PPFIA4: variants seen among roughly 807,000 people sequenced by gnomAD.
PPFIA4 encodes the protein liprin-alpha-4.
PPFIA4 carries 98 observed loss-of-function variants against 145.7 expected under a neutral mutation model. That is an observed-to-expected ratio of 0.67 (90% CI 0.57 to 0.80). The LOEUF is 0.80. PPFIA4 is among the 30% of genes least tolerant of loss of function. The pLI is 0.00. For synonymous variants in PPFIA4, 628 were observed against 649.6 expected (o/e 0.97, Z 0.51); for missense variants, 1,457 against 1,632.7 (o/e 0.89, Z 1.85).
Position 203,055,980 on chromosome 1 carries a change from TTTC to T in PPFIA4, c.2071-138_2071-136del. On this transcript the variant is annotated intron_variant, in intron 16 of 29. Transcript: ENST00000295706. The surrounding 1 kb of genome is among the most constrained non-coding windows in gnomAD (Gnocchi z 4.8). Reference sequence around the variant, plus strand: ...TTTTCTAGGCCAGCTTTTTTTTTTTTTTCTGGCGTGATATTCTCTCCGGGCCTG... The same window carrying T: ...TTTTCTAGGCCAGCTTTTTTTTTTTTTGGCGTGATATTCTCTCCGGGCCTG... 1 of 878,904 alleles carries T rather than the reference TTTC, an allele frequency of 1.1e-6. No individual in the cohort carries two copies. Among genetic ancestry groups the T allele is most frequent in the Non-Finnish European group, 1.7e-6 (1 of 585,704 alleles). 54.4% of individuals were successfully genotyped at this position (878,904 alleles called of 1,614,324 possible).
Position 203,048,559 on chromosome 1 carries a change from G to A in PPFIA4, c.1225-24G>A, listed in dbSNP as rs1317955813. On this transcript the variant is annotated intron_variant, in intron 10 of 29. Coordinates refer to ENST00000295706, the MANE Select transcript of PPFIA4 (RefSeq NM_001304331.2). This position sits in a 1 kb window ranked among gnomAD's most constrained non-coding sequence, Gnocchi z 5.8. ...GTGGTCCTCCCTGGGAGGGCGGCCT[G>A]GTGCGAGGCAGACGGCTGTGCAGGT... is the stretch of plus-strand genomic sequence containing the variant. 1.3e-6 allele frequency: 2 copies of A among 1,563,562 alleles called. 1 individual carries two copies. Among genetic ancestry groups the A allele is most frequent in the South Asian group, 2.4e-5 (2 of 84,978 alleles).
chr1:203,035,816 G>A lies in PPFIA4; in HGVS notation c.-399-2794G>A, dbSNP rs181789958. On this transcript the variant is annotated intron_variant, in intron 1 of 29. Coordinates refer to ENST00000295706, the MANE Select transcript of PPFIA4 (RefSeq NM_001304331.2). ...CTGTTTCTGTGTAGCAGAGAGGACA[G>A]GGGCAGGAGGTCCTGGACAGTCATC... Among the ~76,000 whole-genome samples the A allele has an allele frequency of 4.7e-5, 7 of 149,772 alleles. No homozygotes were observed. In the East Asian group the frequency reaches 1.4e-3, roughly 30 times the overall value.
chr1:203,036,892 G>A (rs1659313669), intron 1 of PPFIA4, among the ~76,000 whole-genome samples: 1 of 152,214 alleles, frequency 6.6e-6, no homozygotes, highest in Non-Finnish European at 1.5e-5. Context: ...CTCCACAGTG[G>A]CTGTCTGGCT....
chr1:203,058,060 C>G (rs1016606145), intron 19 of PPFIA4, among the ~76,000 whole-genome samples: 3 of 152,076 alleles, frequency 2.0e-5, no homozygotes, highest in Non-Finnish European at 4.4e-5. Context: ...TTAAGAGTTC[C>G]CCTGAGGCAG....
At position 203,055,721 on chromosome 1, in the gene PPFIA4, G is replaced by C; in HGVS notation, c.2070+49G>C. The C allele has an allele frequency of 2.5e-6, 4 of 1,605,856 alleles. No individual in the cohort carries two copies. The highest frequency in any genetic ancestry group is 3.4e-6 in the Non-Finnish European group (4 of 1,174,182). On this transcript the variant is annotated intron_variant, in intron 16 of 29. Transcript: ENST00000295706. This position sits in a 1 kb window ranked among gnomAD's most constrained non-coding sequence, Gnocchi z 4.8. ...CCTGGCATCACTGGACCCTGCACCG[G>C]GGGAGGTTTTAAGGGATGGTAGGAC...
In PPFIA4 at chr1:203,053,944, C is replaced by T. The variant is rs370301522; in HGVS notation, c.1812C>T (p.Ala604=). The change falls in exon 15 of 30, where the codon GCC becomes GCT. Residue 604 remains alanine, a synonymous_variant. Coordinates refer to ENST00000295706, the MANE Select transcript of PPFIA4 (RefSeq NM_001304331.2). ...TGATGCTGCAGGAGCAGCTGGATGC[C>T]ATCAATGAGGAAATCAGGTTAGGGC... ...LAMMLQEQLD[A]INEEIRMIQE... 1.5e-5 allele frequency: 24 copies of T among 1,564,736 alleles called. No individual in the cohort carries two copies. Among genetic ancestry groups the T allele is most frequent in the Non-Finnish European group, 2.6e-6 (3 of 1,154,502 alleles).
intron 27 of PPFIA4, among the ~76,000 whole-genome samples, chr1:203,069,869 C>T (rs1439743937): frequency 2.0e-5 from 3 of 151,284 alleles, no homozygotes; most frequent in South Asian, 2.1e-4. Flanking sequence ...TTGCCCACTT[C>T]GGGCAAGCCT....
Position 203,056,840 on chromosome 1 carries a change from T to C in PPFIA4, c.2297T>C (p.Leu766Pro). Residue 766 changes from leucine (L) to proline (P), a missense_variant, in exon 19 of 30, where the codon CTG becomes CCG. Physicochemically the swap from Leu to Pro is moderately conservative, Grantham distance 98. Transcript: ENST00000295706. The stretch of plus-strand genomic sequence containing the variant: ...AGCAGCAACAGCAGCCAGGACTCCC[T>C]GCACAAGGGCGCCAAGCGCAAGGGC... ...PSSSNSSQDS[L>P]HKGAKRKGIK... 1 of 1,614,058 alleles carries C rather than the reference T, an allele frequency of 6.2e-7. No homozygotes were observed. Among genetic ancestry groups the C allele is most frequent in the Non-Finnish European group, 8.5e-7 (1 of 1,179,894 alleles).
At chr1:203,057,076 A>G in intron 19 of PPFIA4, 126 bp downstream of exon 19, 3 of 1,505,846 alleles carry the variant, frequency 2.0e-6, no homozygotes, top group Non-Finnish European at 2.7e-6. Flanking sequence ...CAGGCAGGTT[A>G]CCTCAGATCT....
Position 203,043,881 on chromosome 1 carries a change from G to T in PPFIA4, c.337-50G>T. On this transcript the variant is annotated intron_variant, in intron 3 of 29. Transcript: ENST00000295706. The surrounding 1 kb of genome is among the most constrained non-coding windows in gnomAD (Gnocchi z 4.4). ...CATGGACCCTGCTTGTAGCCCCTGG[G>T]GCACATGCTTACAGCCCTCCCTCTC... The T allele has an allele frequency of 1.3e-6, 2 of 1,528,986 alleles. No homozygotes were observed. Among genetic ancestry groups the T allele is most frequent in the Non-Finnish European group, 1.8e-6 (2 of 1,133,236 alleles). The allele number at this position is 1,528,986 out of a possible 1,614,324, so 94.7% of individuals were successfully genotyped here.
intron 1 of PPFIA4, among the ~76,000 whole-genome samples, chr1:203,032,041 C>CGTGTGTGTATGT (rs1553253551): frequency 6.1e-5 from 9 of 146,350 alleles, no homozygotes; most frequent in African/African-American, 2.3e-4. Flanking sequence ...TCTGAGAGAA[C>CGTGTGTGTATGT]GTGTGTGTGT....
At chr1:203,049,805 G>T in intron 13 of PPFIA4, 38 bp downstream of exon 13, 1 of 1,475,070 alleles carries the variant, frequency 6.8e-7, no homozygotes, top group Non-Finnish European at 9.1e-7. Context: ...CCAGGACGGG[G>T]TCCTGATGGA....
Position 203,048,764 on chromosome 1 carries a change from G to A in PPFIA4, c.1356+50G>A, listed in dbSNP as rs1176608212. The A allele has an allele frequency of 6.3e-7, 1 of 1,576,634 alleles. No homozygotes were observed. The highest frequency in any genetic ancestry group is 1.2e-5 in the South Asian group (1 of 86,890). ...TGCGAGAGGTTAGTGCTGGGTGTGG[G>A]GCGGGGGGAGGCGGGACTGTGATGG... On this transcript the variant is annotated intron_variant, in intron 11 of 29. Transcript: ENST00000295706. This position sits in a 1 kb window ranked among gnomAD's most constrained non-coding sequence, Gnocchi z 5.8.
At position 203,039,217 on chromosome 1, in the gene PPFIA4, G is replaced by A. The variant is rs760078795; in HGVS notation, c.209G>A (p.Arg70His). The change falls in exon 2 of 30, where the codon CGC becomes CAC. Residue 70 changes from arginine to histidine, a missense_variant. By Grantham distance (29) the Arg-to-His change is conservative. Transcript: ENST00000295706. ...ATACACGAGCGGGACCAGCTCCAGC[G>A]CCACCTTAACTCCGCCCTCCCCCAG... ...DAIHERDQLQ[R>H]HLNSALPQEF... The A allele has an allele frequency of 3.1e-5, 49 of 1,598,488 alleles. No individual in the cohort carries two copies. The East Asian group carries it at 8.6e-4, about 28-fold the overall frequency.
In PPFIA4 at chr1:203,068,509, C is replaced by T. The variant is rs541077583; in HGVS notation, c.3205C>T (p.Arg1069Trp). The T allele has an allele frequency of 3.5e-5, 56 of 1,608,916 alleles. No individual in the cohort carries two copies. The highest frequency in any genetic ancestry group is 2.5e-4 in the East Asian group (11 of 44,506). The change falls in exon 27 of 30, where the codon CGG becomes TGG. Residue 1069 changes from arginine (R) to tryptophan (W), a missense_variant. Transcript: ENST00000295706. This position sits in a 1 kb window ranked among gnomAD's most constrained non-coding sequence, Gnocchi z 4.7. The part of the protein sequence containing the change: ...VVHWVQSIGL[R>W]DYAGNLHESG... ...TCATTGGGTCCAGTCTATTGGGCTC[C>T]GGGACTACGCAGGAAACCTGCATGA... is the stretch of plus-strand genomic sequence containing the variant.
chr1:203,054,842 G>C (rs974138394), intron 15 of PPFIA4, among the ~76,000 whole-genome samples: 1 of 152,202 alleles, frequency 6.6e-6, no homozygotes, highest in African/African-American at 2.4e-5. Context: ...CATTCCTGAA[G>C]TAAGAAAGAC....
chr1:203,062,087 C>T (rs1203283438), intron 24 of PPFIA4, among the ~76,000 whole-genome samples: 1 of 152,056 alleles, frequency 6.6e-6, no homozygotes, highest in Admixed American at 6.6e-5. Flanking sequence ...CCTTTCCTGG[C>T]TCTCTGGATA....
intron 25 of PPFIA4, chr1:203,067,351 T>G: frequency 3.8e-6 from 1 of 262,278 alleles, no homozygotes; most frequent in Non-Finnish European, 7.4e-6. Flanking sequence ...GGTATCTTGT[T>G]TTTGCTTTTC....
At chr1:203,037,384 A>T (rs1341135756) in intron 1 of PPFIA4, among the ~76,000 whole-genome samples, 1 of 152,138 alleles carries the variant, frequency 6.6e-6, no homozygotes, top group Non-Finnish European at 1.5e-5. Flanking sequence ...TGTCTCCCAT[A>T]AGATAAGAGA....
Sources: gnomAD v4.1 joint callset for allele counts (sites outside exome capture counted in the v4.1 genomes callset) on GRCh38, gnomAD v4.1.1 for gene constraint, Gnocchi (gnomAD v3.1) non-coding constraint, MANE v1.5 for transcripts, NCBI Gene and HGNC (gene_info 2026-07-23, HGNC 2026-07-21) for gene names.